The following LGR5 variants were observed in gnomAD, a reference collection of about 807,000 sequenced individuals.
LGR5 encodes leucine rich repeat containing G protein-coupled receptor 5.
In LGR5, 54 loss-of-function variants were observed where a neutral mutation model predicts 76.7. That is an observed-to-expected ratio of 0.70 (90% confidence interval 0.57 to 0.88). LGR5 has a LOEUF of 0.88. LGR5 is among the 40% of genes least tolerant of loss of function. LGR5 has a pLI of 0.00. For synonymous variants in LGR5, 406 were observed against 421.9 expected, an observed-to-expected ratio of 0.96 and a Z score of 0.46; for missense variants, 1,078 against 1,073.3, an observed-to-expected ratio of 1.00 and a Z score of -0.06.
Position 71,545,535 on chromosome 12 carries a change from A to T in LGR5, c.429-7538A>T, listed in dbSNP as rs536708281. 5.9e-5 allele frequency among the ~76,000 whole-genome samples: 9 copies of T among 152,324 alleles called. 1 individual carries two copies. In the South Asian group the frequency reaches 1.9e-3, roughly 32 times the overall value. On this transcript the variant is annotated intron_variant, in intron 4 of 17. Transcript: ENST00000266674. The stretch of plus-strand genomic sequence containing the variant: ...AATGCATTGCTTCATAACTCTGTTT[A>T]TTACAAGAATCCCTATAAACTGTAT...
At position 71,439,932 on chromosome 12, in the gene LGR5, G is replaced by A. The variant is rs11178797; in HGVS notation, c.-149G>A. ...CGCCGCGCTTCTCCTCGCCGCCCAC[G>A]CCGTGGGGTCAGGAACGCGGCGTCT... On this transcript the variant is annotated 5_prime_UTR_variant, in exon 1 of 18. Coordinates refer to ENST00000266674, the MANE Select transcript of LGR5 (RefSeq NM_003667.4). 9.0e-3 allele frequency: 5,997 copies of A among 669,208 alleles called. 268 individuals are homozygous for A. The African/African-American group carries it at 0.1, about 11-fold the overall frequency. The allele number at this position is 669,208 out of a possible 1,614,324, so 41.5% of individuals were successfully genotyped here.
chr12:71,555,921 G>A (rs1310425938), intron 5 of LGR5, among the ~76,000 whole-genome samples: 2 of 152,136 alleles, frequency 1.3e-5, no homozygotes, highest in Non-Finnish European at 2.9e-5. Flanking sequence ...TGTGGAATCA[G>A]CTGAAATGCC....
Position 71,569,164 on chromosome 12 carries a change from G to A in LGR5, c.1070+2252G>A, listed in dbSNP as rs138385245. On this transcript the variant is annotated intron_variant, in intron 11 of 17. Transcript: ENST00000266674. The stretch of plus-strand genomic sequence containing the variant: ...ACACCTTATACAAAAATTAACTCAA[G>A]ATGGATTAAGACTTAAATGTAAAAC... 6.1e-3 allele frequency among the ~76,000 whole-genome samples: 936 copies of A among 152,262 alleles called. 3 individuals are homozygous for A. The highest frequency in any genetic ancestry group is 0.01 in the Non-Finnish European group (705 of 68,024).
At chr12:71,549,375 G>T (rs755636085) in intron 4 of LGR5, among the ~76,000 whole-genome samples, 10 of 152,132 alleles carry the variant, frequency 6.6e-5, no homozygotes, top group Non-Finnish European at 1.5e-4. Context: ...AAGAGCCATT[G>T]TATGGCATGG....
chr12:71,516,795 T>C (rs1875465234), intron 2 of LGR5, among the ~76,000 whole-genome samples: 2 of 152,106 alleles, frequency 1.3e-5, no homozygotes, highest in South Asian at 4.1e-4. Context: ...ACTTAATGGG[T>C]TTTTTCTTTT....
chr12:71,452,465 A>G (rs1872288856), intron 1 of LGR5, among the ~76,000 whole-genome samples: 1 of 152,356 alleles, frequency 6.6e-6, no homozygotes, highest in African/African-American at 2.4e-5. Flanking sequence ...AAGACATAAG[A>G]TGCCATTTTC....
chr12:71,505,803 G>C (rs1874823824), intron 2 of LGR5, among the ~76,000 whole-genome samples: 1 of 152,122 alleles, frequency 6.6e-6, no homozygotes, highest in African/African-American at 2.4e-5. Flanking sequence ...TGGTATCAAG[G>C]GTTATGGTAG....
At chr12:71,497,832 A>G (rs1014167770) in intron 1 of LGR5, among the ~76,000 whole-genome samples, 8 of 152,234 alleles carry the variant, frequency 5.3e-5, no homozygotes, top group African/African-American at 1.7e-4. Context: ...AAGAAAGAGC[A>G]TCAATTTTTT....
At chr12:71,451,888 C>T (rs1001442458) in intron 1 of LGR5, among the ~76,000 whole-genome samples, 1 of 152,082 alleles carries the variant, frequency 6.6e-6, no homozygotes, top group African/African-American at 2.4e-5. Context: ...GCAAACCAAC[C>T]AATCCAAAAC....
At chr12:71,474,024 A>G (rs1318712684) in intron 1 of LGR5, among the ~76,000 whole-genome samples, 2 of 152,190 alleles carry the variant, frequency 1.3e-5, no homozygotes, top group Non-Finnish European at 2.9e-5. Context: ...CTCTTCAAAA[A>G]TGAGCCCTGG....
chr12:71,580,962 G>C (rs1054819897), intron 16 of LGR5, among the ~76,000 whole-genome samples: 1 of 152,156 alleles, frequency 6.6e-6, no homozygotes, highest in African/African-American at 2.4e-5. Flanking sequence ...TTCTGTAGGT[G>C]AATTCTTATA....
At chr12:71,490,395 A>G (rs1424391056) in intron 1 of LGR5, among the ~76,000 whole-genome samples, 1 of 152,214 alleles carries the variant, frequency 6.6e-6, no homozygotes, top group African/African-American at 2.4e-5. Flanking sequence ...TGAGGGGTCA[A>G]TAGTTGTGAT....
chr12:71,454,808 A>G (rs999431831), intron 1 of LGR5, among the ~76,000 whole-genome samples: 34 of 150,418 alleles, frequency 2.3e-4, no homozygotes, highest in African/African-American at 6.6e-4. Context: ...CACAAACCCC[A>G]CGGCCACATC....
chr12:71,476,376 C>A (rs944155108), intron 1 of LGR5, among the ~76,000 whole-genome samples: 11 of 152,086 alleles, frequency 7.2e-5, no homozygotes, highest in Admixed American at 2.6e-4. Context: ...TAACTTCTCC[C>A]CAATGTGTGT....
At chr12:71,583,443 G>C in intron 17 of LGR5, 3 of 577,766 alleles carry the variant, frequency 5.2e-6, no homozygotes, top group Non-Finnish European at 9.1e-6. Flanking sequence ...CAGGAGCACC[G>C]GGTGTACTCA....
intron 1 of LGR5, among the ~76,000 whole-genome samples, chr12:71,459,313 A>G (rs937276703): frequency 2.6e-5 from 4 of 152,116 alleles, no homozygotes; most frequent in African/African-American, 7.2e-5. Flanking sequence ...TACAATTATG[A>G]ATTCATTTAT....
chr12:71,578,784 T>C lies in LGR5; in HGVS notation c.1281-20T>C. 2 of 1,584,412 alleles carry C rather than the reference T, an allele frequency of 1.3e-6. No individual in the cohort carries two copies. Among genetic ancestry groups the C allele is most frequent in the Non-Finnish European group, 1.7e-6 (2 of 1,167,988 alleles). On this transcript the variant is annotated intron_variant, in intron 14 of 17. Transcript: ENST00000266674. ...ATGCTAACATAGACTAAAAGCCAAT[T>C]GTTGTTTGATGTTTTGCAGGGACCT...
At chr12:71,519,119 C>G (rs1875596497) in intron 2 of LGR5, among the ~76,000 whole-genome samples, 1 of 152,154 alleles carries the variant, frequency 6.6e-6, no homozygotes, top group Admixed American at 6.5e-5. Context: ...AACCTTACCT[C>G]CTGCCATCCT....
chr12:71,550,124 G>A (rs997074260), intron 4 of LGR5, among the ~76,000 whole-genome samples: 9 of 151,748 alleles, frequency 5.9e-5, no homozygotes, highest in African/African-American at 1.7e-4. Context: ...GCATCCCAGT[G>A]TTTGCAATGA....
Sources: allele counts gnomAD v4.1 joint callset (sites outside exome capture counted in the v4.1 genomes callset), GRCh38; gene constraint gnomAD v4.1.1; transcripts MANE v1.5; gene names NCBI Gene and HGNC (gene_info 2026-07-23, HGNC 2026-07-21).